The following ABCB5 variants were observed in gnomAD, a reference collection of about 807,000 sequenced individuals.
ABCB5 encodes the protein ATP binding cassette subfamily B member 5.
A neutral mutation model predicts 144.2 loss-of-function variants in ABCB5; 155 were observed. The ratio of observed to expected loss-of-function variants is 1.08; its 90% CI spans 0.94 to 1.23. ABCB5 has a LOEUF of 1.23. ABCB5 is among the 50% of genes most tolerant of loss of function. The pLI is 0.00. For synonymous variants in ABCB5, 610 were observed against 528.6 expected, an observed-to-expected ratio of 1.15 and a Z score of -2.11; for missense variants, 1,830 against 1,520.8, an observed-to-expected ratio of 1.20 and a Z score of -3.38.
intron 13 of ABCB5, among the ~76,000 whole-genome samples, chr7:20,657,416 C>T (rs34125782): frequency 0.093 from 14,210 of 152,196 alleles, 743 homozygotes; most frequent in East Asian, 0.16. Context: ...AAGGTAAACT[C>T]GCATTGTGTG....
chr7:20,679,236 G>C (rs1785708546), intron 14 of ABCB5, among the ~76,000 whole-genome samples: 1 of 152,068 alleles, frequency 6.6e-6, no homozygotes, highest in Admixed American at 6.6e-5. Flanking sequence ...GGGATGCTGA[G>C]GTGGGTGGAT....
At chr7:20,711,836 C>CTT (rs1562573729) in intron 20 of ABCB5, among the ~76,000 whole-genome samples, 1 of 57,368 alleles carries the variant, frequency 1.7e-5, no homozygotes, top group African/African-American at 1.5e-4. Flanking sequence ...TTCTTTCTTT[C>CTT]TTTCTTTCTT....
chr7:20,685,192 G>T (rs1785954681), intron 15 of ABCB5, among the ~76,000 whole-genome samples: 1 of 152,248 alleles, frequency 6.6e-6, no homozygotes, highest in East Asian at 1.9e-4. Context: ...TATTGTTGAG[G>T]AGTAGGCCCT....
intron 14 of ABCB5, among the ~76,000 whole-genome samples, chr7:20,668,946 C>T (rs1583412488): frequency 7.5e-5 from 8 of 106,132 alleles, no homozygotes; most frequent in Non-Finnish European, 1.5e-4. Flanking sequence ...CCCCTCTGCC[C>T]GGCCAGCCGC....
At chr7:20,640,684 T>C (rs923672721) in intron 5 of ABCB5, among the ~76,000 whole-genome samples, 4 of 152,190 alleles carry the variant, frequency 2.6e-5, no homozygotes, top group Admixed American at 6.5e-5. Flanking sequence ...ACCAAATTTT[T>C]GGCCACTCTG....
intron 16 of ABCB5, among the ~76,000 whole-genome samples, chr7:20,696,133 A>G (rs1208568230): frequency 6.6e-6 from 1 of 152,114 alleles, no homozygotes; most frequent in Non-Finnish European, 1.5e-5. Context: ...TAGCAGTTTT[A>G]TGTGTAATAG....
intron 26 of ABCB5, among the ~76,000 whole-genome samples, chr7:20,751,442 G>C (rs1213286932): frequency 6.6e-6 from 1 of 152,082 alleles, no homozygotes; most frequent in Non-Finnish European, 1.5e-5. Context: ...CTGCACTCCA[G>C]CCTGGGCTAC....
intron 13 of ABCB5, 65 bp downstream of exon 13, chr7:20,651,688 G>A (rs1784600075): frequency 6.6e-7 from 1 of 1,521,870 alleles, no homozygotes; most frequent in African/African-American, 1.4e-5. Context: ...TCCAATATAA[G>A]GTAATGAAAC....
intron 19 of ABCB5, among the ~76,000 whole-genome samples, chr7:20,702,655 A>ATTTTTTT (rs34454519): frequency 8.5e-6 from 1 of 117,166 alleles, no homozygotes; most frequent in Non-Finnish European, 1.7e-5. Context: ...CATATAATGG[A>ATTTTTTT]TTTTTTTTTT....
At chr7:20,631,239 A>G (rs989299573) in intron 4 of ABCB5, among the ~76,000 whole-genome samples, 1 of 152,150 alleles carries the variant, frequency 6.6e-6, no homozygotes, top group African/African-American at 2.4e-5. Context: ...TTGCTCAGTT[A>G]AATCTCATTG....
At chr7:20,658,789 A>G (rs1409270117) in intron 14 of ABCB5, 113 bp downstream of exon 14, 2 of 1,283,196 alleles carry the variant, frequency 1.6e-6, no homozygotes, top group South Asian at 1.5e-5. Context: ...CTCTTAAGGT[A>G]TAAAGGCAGG....
At position 20,626,588 on chromosome 7, in the gene ABCB5, G is replaced by C. The variant is rs1315131842; in HGVS notation, c.85G>C (p.Glu29Gln). 6.2e-7 allele frequency: 1 copy of C among 1,607,704 alleles called. No individual in the cohort carries two copies. Among genetic ancestry groups the C allele is most frequent in the African/African-American group, 1.3e-5 (1 of 74,858 alleles). ...TAEEQPKLRK[E>Q]AVGSIEIFRF... ...AGAAGAACAGCCAAAACTGAGAAAGGAAGCAGTTGGATCTATTGAGATAGT... is the reference window on the plus strand; with the variant it reads ...AGAAGAACAGCCAAAACTGAGAAAGCAAGCAGTTGGATCTATTGAGATAGT... The change falls in exon 3 of 28, where the codon GAA becomes CAA. Residue 29 changes from glutamate to glutamine, a missense_variant. Coordinates refer to ENST00000404938, the MANE Select transcript of ABCB5 (RefSeq NM_001163941.2).
In ABCB5 at chr7:20,698,455, C is replaced by T. The variant is rs1207696838; in HGVS notation, c.2059C>T (p.Pro687Ser). 23 of 1,595,506 alleles carry T rather than the reference C, an allele frequency of 1.4e-5. No individual in the cohort carries two copies. Among genetic ancestry groups the T allele is most frequent in the Non-Finnish European group, 1.9e-5 (22 of 1,173,610 alleles). ...SLLKILKLNK[P>S]EWPFVVLGTL... The stretch of plus-strand genomic sequence containing the variant: ...ATTAAAAATTTTAAAGTTAAACAAG[C>T]CTGAATGGCCTTTTGTGGTTCTGGG... Residue 687 changes from proline (P) to serine (S), a missense_variant, in exon 17 of 28, where the codon CCT becomes TCT. By Grantham distance (74) the Pro-to-Ser change is moderately conservative. Transcript: ENST00000404938.
chr7:20,738,884 G>T, intron 23 of ABCB5, 99 bp from the exon 24 acceptor site: 2 of 1,343,882 alleles, frequency 1.5e-6, no homozygotes, highest in South Asian at 1.7e-5. Context: ...TACATCAAAA[G>T]ATTATATTCC....
chr7:20,651,741 T>G lies in ABCB5; in HGVS notation c.1536+118T>G, dbSNP rs1025510888. On this transcript the variant is annotated intron_variant, in intron 13 of 27. Coordinates refer to ENST00000404938, the MANE Select transcript of ABCB5 (RefSeq NM_001163941.2). ...AGTAGGGGTGTGATTAAATTCTGGATTGTCCTAGAACAAGCTTGTCCAACC... is the reference window on the plus strand; with the variant it reads ...AGTAGGGGTGTGATTAAATTCTGGAGTGTCCTAGAACAAGCTTGTCCAACC... 6.2e-6 allele frequency: 7 copies of G among 1,120,378 alleles called. No homozygotes were observed. The African/African-American group carries it at 6.3e-5, about 10-fold the overall frequency. The allele number at this position is 1,120,378 out of a possible 1,614,324, so 69.4% of individuals were successfully genotyped here.
At position 20,643,303 on chromosome 7, in the gene ABCB5, A is replaced by G. The variant is rs1378150835; in HGVS notation, c.434A>G (p.His145Arg). Residue 145 changes from histidine (H) to arginine (R), a missense_variant, in exon 6 of 28, where the codon CAT (histidine) becomes CGT (arginine). By Grantham distance (29) the His-to-Arg change is conservative. Transcript: ENST00000404938. Reference protein sequence around the residue: ...QTKRIRKQFFHSVLAQDIGWF... With the variant: ...QTKRIRKQFFRSVLAQDIGWF... ...AAGAGGATTCGAAAACAGTTTTTTC[A>G]TTCAGTTTTGGCACAGGACATCGGC... 6.2e-7 allele frequency: 1 copy of G among 1,613,980 alleles called. No homozygotes were observed. The highest frequency in any genetic ancestry group is 1.7e-5 in the Admixed American group (1 of 59,998).
In ABCB5 at chr7:20,728,439, C is replaced by T. The variant is rs779608170; in HGVS notation, c.2851C>T (p.Pro951Ser). 1 of 1,614,046 alleles carries T rather than the reference C, an allele frequency of 6.2e-7. No homozygotes were observed. The highest frequency in any genetic ancestry group is 2.2e-5 in the East Asian group (1 of 44,874). Residue 951 changes from proline to serine, a missense_variant, in exon 23 of 28, where the codon CCA becomes TCA. Coordinates refer to ENST00000404938, the MANE Select transcript of ABCB5 (RefSeq NM_001163941.2). ...AYLIQAGRMT[P>S]EGMFIVFTAI... ...TTTAATTCAAGCTGGACGAATGACC[C>T]CAGAGGGCATGTTCATGTAAGTCGT...
chr7:20,645,937 T>G, intron 8 of ABCB5, 24 bp from the exon 9 acceptor site: 1 of 1,612,646 alleles, frequency 6.2e-7, no homozygotes, highest in East Asian at 2.2e-5. Context: ...CAGTGGCTAC[T>G]AAGTTGTGTT....
At chr7:20,620,006 C>A (rs1160669746) in intron 1 of ABCB5, among the ~76,000 whole-genome samples, 1 of 152,100 alleles carries the variant, frequency 6.6e-6, no homozygotes, top group Non-Finnish European at 1.5e-5. Flanking sequence ...TTTCTGGGTC[C>A]TGAATTCTGT....
Sources: allele counts gnomAD v4.1 joint callset (sites outside exome capture counted in the v4.1 genomes callset), GRCh38; gene constraint gnomAD v4.1.1; transcripts MANE v1.5; gene names NCBI Gene and HGNC (gene_info 2026-07-23, HGNC 2026-07-21).